Variants in COG5 observed in about 807,000 individuals in gnomAD.
COG5 encodes the protein conserved oligomeric Golgi complex subunit 5.
In COG5, 86 loss-of-function variants were observed where a neutral mutation model predicts 110.4. The ratio of observed to expected loss-of-function variants is 0.78; its 90% CI spans 0.65 to 0.93. COG5 has a LOEUF of 0.93. Ranked by LOEUF, COG5 falls within the 40% of genes least tolerant of loss-of-function variation. COG5 has a pLI of 0.00. For synonymous variants in COG5, 360 were observed against 334.6 expected (o/e 1.08, Z -0.83); for missense variants, 1,077 against 987.0 (o/e 1.09, Z -1.22).
chr7:107,428,076 G>A (rs920231390), intron 6 of COG5, among the ~76,000 whole-genome samples: 1 of 152,092 alleles, frequency 6.6e-6, no homozygotes, highest in Non-Finnish European at 1.5e-5. Context: ...AACCAATTAG[G>A]AAAGGGTAGG....
At chr7:107,246,373 T>A (rs1802058780) in intron 17 of COG5, among the ~76,000 whole-genome samples, 1 of 152,178 alleles carries the variant, frequency 6.6e-6, no homozygotes, top group South Asian at 2.1e-4. Context: ...CGGGATCTAA[T>A]TAAACCTAAG....
intron 6 of COG5, among the ~76,000 whole-genome samples, chr7:107,467,786 T>C (rs1477188500): frequency 1.3e-5 from 2 of 152,154 alleles, no homozygotes; most frequent in African/African-American, 4.8e-5. Flanking sequence ...AATCACCAAT[T>C]TGTGGTTTTT....
At chr7:107,490,459 A>T (rs1173378796) in intron 6 of COG5, among the ~76,000 whole-genome samples, 2 of 152,180 alleles carry the variant, frequency 1.3e-5, no homozygotes, top group Non-Finnish European at 2.9e-5. Context: ...ACATGATGTA[A>T]TGGGGGATGG....
At chr7:107,364,516 C>A (rs1487066150) in intron 8 of COG5, among the ~76,000 whole-genome samples, 2 of 152,086 alleles carry the variant, frequency 1.3e-5, no homozygotes, top group Admixed American at 1.3e-4. Context: ...ATATAACACA[C>A]ACAGGAATCT....
At chr7:107,504,054 T>G (rs1359406423) in intron 6 of COG5, among the ~76,000 whole-genome samples, 2 of 152,180 alleles carry the variant, frequency 1.3e-5, no homozygotes, top group African/African-American at 4.8e-5. Context: ...GTGATCAAAG[T>G]GGGCATCCTT....
chr7:107,303,094 T>G (rs1562959507), intron 11 of COG5, among the ~76,000 whole-genome samples: 1 of 152,042 alleles, frequency 6.6e-6, no homozygotes, highest in Non-Finnish European at 1.5e-5. Context: ...AGTTTTTGGT[T>G]TTTTTTCTTT....
chr7:107,478,176 A>C (rs191966840), intron 6 of COG5, among the ~76,000 whole-genome samples: 2 of 151,972 alleles, frequency 1.3e-5, no homozygotes, highest in African/African-American at 4.8e-5. Flanking sequence ...GATGAGCTCA[A>C]CAAGATGTGG....
intron 10 of COG5, among the ~76,000 whole-genome samples, chr7:107,348,218 T>G (rs999424510): frequency 6.6e-6 from 1 of 151,812 alleles, no homozygotes; most frequent in Non-Finnish European, 1.5e-5. Flanking sequence ...GCTGCACTTC[T>G]GTGGTAATAT....
chr7:107,432,499 G>A (rs571271200), intron 6 of COG5, among the ~76,000 whole-genome samples: 1 of 152,230 alleles, frequency 6.6e-6, no homozygotes, highest in South Asian at 2.1e-4. Context: ...ATAAGAACAT[G>A]ACATAAGTAC....
chr7:107,214,831 A>G (rs1364021193), intron 19 of COG5, among the ~76,000 whole-genome samples: 1 of 151,878 alleles, frequency 6.6e-6, no homozygotes, highest in Non-Finnish European at 1.5e-5. Flanking sequence ...CTGAATCATG[A>G]GAATCGCTTG....
chr7:107,243,665 A>C (rs998348807), intron 17 of COG5, among the ~76,000 whole-genome samples: 1 of 152,118 alleles, frequency 6.6e-6, no homozygotes, highest in African/African-American at 2.4e-5. Flanking sequence ...ATTGGACCAA[A>C]TGCAACTGAT....
At chr7:107,258,699 A>T (rs1803081386) in intron 14 of COG5, 1 of 310,316 alleles carries the variant, frequency 3.2e-6, no homozygotes, top group Non-Finnish European at 6.0e-6. Context: ...CAAATGCCCC[A>T]TGTGTGCTAT....
Position 107,563,833 on chromosome 7 carries a change from C to A in COG5, c.64G>T (p.Ala22Ser), listed in dbSNP as rs763718817. 1 of 1,613,790 alleles carries A rather than the reference C, an allele frequency of 6.2e-7. No homozygotes were observed. Among genetic ancestry groups the A allele is most frequent in the Admixed American group, 1.7e-5 (1 of 60,026 alleles). ...TGCAGAAGTTCCCGGACTGTAGCTG[C>A]AGCCGCTCCAGAGCCTCGAGCTCCG... ...GLGARGSGAAAATVRELLQDG... is the reference protein window; with the variant it reads ...GLGARGSGAASATVRELLQDG... The change falls in exon 1 of 22, where the codon GCA becomes TCA. Residue 22 changes from alanine to serine, a missense_variant. Coordinates refer to ENST00000297135, the MANE Select transcript of COG5 (RefSeq NM_006348.5).
chr7:107,225,863 T>C (rs1800295708), intron 19 of COG5, among the ~76,000 whole-genome samples: 1 of 151,994 alleles, frequency 6.6e-6, no homozygotes, highest in Non-Finnish European at 1.5e-5. Context: ...GCCAACGTGG[T>C]GAAACCCCGT....
At chr7:107,375,158 A>C (rs1299518587) in intron 7 of COG5, among the ~76,000 whole-genome samples, 1 of 151,992 alleles carries the variant, frequency 6.6e-6, no homozygotes, top group African/African-American at 2.4e-5. Context: ...TTTACTCAAC[A>C]TATTTTTTTG....
chr7:107,321,454 T>A (rs1296012455), intron 11 of COG5, among the ~76,000 whole-genome samples: 3 of 152,098 alleles, frequency 2.0e-5, no homozygotes, highest in African/African-American at 7.2e-5. Flanking sequence ...AACAAAATTC[T>A]GAAACACATA....
intron 19 of COG5, among the ~76,000 whole-genome samples, chr7:107,223,973 A>G (rs570861901): frequency 1.3e-5 from 2 of 152,390 alleles, no homozygotes; most frequent in African/African-American, 4.8e-5. Flanking sequence ...GATAAACTAA[A>G]TATTCAACTC....
intron 7 of COG5, among the ~76,000 whole-genome samples, chr7:107,379,605 A>T (rs1171620877): frequency 6.6e-6 from 1 of 151,902 alleles, no homozygotes; most frequent in African/African-American, 2.4e-5. Flanking sequence ...AAGCAAAAAA[A>T]AAAAAAAAAA....
In COG5 at chr7:107,407,679, C is replaced by T. The variant is rs1486735097; in HGVS notation, c.669+4823G>A. The stretch of plus-strand genomic sequence containing the variant: ...TAAATAGAGGTTCTAAAACCACCCA[C>T]AAGAATCAGGAAAGGCTATTTGGGG... On this transcript the variant is annotated intron_variant, in intron 7 of 21. Transcript: ENST00000297135. Among the ~76,000 whole-genome samples the T allele has an allele frequency of 2.1e-5, 3 of 144,856 alleles. No homozygotes were observed. The Admixed American group carries it at 2.1e-4, about 10-fold the overall frequency.
Sources: allele counts gnomAD v4.1 joint callset (sites outside exome capture counted in the v4.1 genomes callset), GRCh38; gene constraint gnomAD v4.1.1; transcripts MANE v1.5; gene names NCBI Gene and HGNC (gene_info 2026-07-23, HGNC 2026-07-21).